Variants in GPD1 observed in about 807,000 individuals in gnomAD.
The protein encoded by GPD1 is glycerol-3-phosphate dehydrogenase 1, also known as glycerol-3-phosphate dehydrogenase [NAD(+)], cytoplasmic.
A neutral mutation model predicts 34.4 loss-of-function variants in GPD1; 19 were observed. That is an observed-to-expected ratio of 0.55 (90% confidence interval 0.39 to 0.81). The LOEUF (loss-of-function observed/expected upper bound fraction) is 0.81. Ranked by LOEUF, GPD1 falls within the 30% of genes least tolerant of loss-of-function variation. The probability of loss-of-function intolerance (pLI) is 0.00; values close to 1 mark genes in which losing one functional copy is unlikely to be tolerated. For missense variants in GPD1, 429 were observed against 447.0 expected, an observed-to-expected ratio of 0.96 and a Z score of 0.36; for synonymous variants, 172 against 174.1, an observed-to-expected ratio of 0.99 and a Z score of 0.09.
chr12:50,104,213 TCA>T, intron 1 of GPD1, 122 bp downstream of exon 1: 1 of 949,710 alleles, frequency 1.1e-6, no homozygotes. Flanking sequence ...CTATCTTCTA[TCA>T]TAGCAGCACA....
chr12:50,108,745 T>C (rs910670671), intron 7 of GPD1, among the ~76,000 whole-genome samples: 4 of 152,196 alleles, frequency 2.6e-5, no homozygotes, highest in African/African-American at 9.7e-5. Flanking sequence ...TTAAGCACTT[T>C]CACATCATAC....
At chr12:50,105,279 G>C in intron 2 of GPD1, 1 of 501,080 alleles carries the variant, frequency 2.0e-6, no homozygotes, top group Non-Finnish European at 3.6e-6. Flanking sequence ...CTCCCGCACT[G>C]TCCCACAGCC....
chr12:50,104,309 T>G, intron 1 of GPD1: 2 of 702,054 alleles, frequency 2.8e-6, no homozygotes, highest in South Asian at 3.0e-5. Context: ...TCTCCAGAGC[T>G]CTCTATGTGA....
In GPD1 at chr12:50,109,653, G is replaced by A; in HGVS notation, c.*134G>A. ...CTCATCTTTTCACTGGAGGACAGGA[G>A]GCTATGGGGCCCAGCTACGCACCTG... On this transcript the variant is annotated 3_prime_UTR_variant, in exon 8 of 8. Coordinates refer to ENST00000301149, the MANE Select transcript of GPD1 (RefSeq NM_005276.4). 1 of 614,374 alleles carries A rather than the reference G, an allele frequency of 1.6e-6. No individual in the cohort carries two copies. The allele number at this position is 614,374 out of a possible 1,614,324, so 38.1% of individuals were successfully genotyped here.
Position 50,104,702 on chromosome 12 carries a change from A to T in GPD1, c.170A>T (p.Gln57Leu). ...AAGCTGACTGAGATCATCAACACGC[A>T]GCATGAGAATGTCAAATACCTGCCA... The part of the protein sequence containing the change: ...GKKLTEIINT[Q>L]HENVKYLPGH... Residue 57 changes from glutamine (Q) to leucine (L), a missense_variant, in exon 2 of 8, where the codon CAG (glutamine) becomes CTG (leucine). By Grantham distance (113) the Gln-to-Leu change is moderately radical (BLOSUM62 -2). Transcript: ENST00000301149. 6.2e-7 allele frequency: 1 copy of T among 1,614,218 alleles called. No homozygotes were observed. Among genetic ancestry groups the T allele is most frequent in the Non-Finnish European group, 8.5e-7 (1 of 1,180,008 alleles).
In GPD1 at chr12:50,107,689, C is replaced by A. The variant is rs747129301; in HGVS notation, c.735C>A (p.Gly245=). 6.2e-6 allele frequency: 10 copies of A among 1,613,498 alleles called. No homozygotes were observed. The highest frequency in any genetic ancestry group is 7.6e-6 in the Non-Finnish European group (9 of 1,179,438). ...MIAFAKLFCS[G]PVSSATFLES... is the part of the protein sequence containing the mutation. ...CCTTCGCCAAGCTCTTCTGCAGTGG[C>A]CCTGTGTCCTCTGCCACCTTCTTGG... The change falls in exon 6 of 8, where the codon GGC becomes GGA. Residue 245 remains glycine, a synonymous_variant. Coordinates refer to ENST00000301149, the MANE Select transcript of GPD1 (RefSeq NM_005276.4).
In GPD1 at chr12:50,109,553, AC is replaced by A; in HGVS notation, c.*38del. On this transcript the variant is annotated 3_prime_UTR_variant, in exon 8 of 8. Coordinates refer to ENST00000301149, the MANE Select transcript of GPD1 (RefSeq NM_005276.4). ...AGGGCCCAGGCCAGGCCGCTTTTTT[AC>A]CCCAGTGGAGACCAGCAGAAGCCTG... 1 of 1,045,168 alleles carries A rather than the reference AC, an allele frequency of 9.6e-7. No individual in the cohort carries two copies. The highest frequency in any genetic ancestry group is 1.5e-6 in the Non-Finnish European group (1 of 660,158). 64.7% of individuals were successfully genotyped at this position (1,045,168 alleles called of 1,614,324 possible).
chr12:50,105,437 C>A (rs1950970914), intron 2 of GPD1, 111 bp from the exon 3 acceptor site: 2 of 1,099,154 alleles, frequency 1.8e-6, no homozygotes, highest in Admixed American at 2.3e-5. Context: ...CCAAACAAGC[C>A]TTCCTGCTCC....
chr12:50,105,229 T>C lies in GPD1; in HGVS notation c.220-319T>C, dbSNP rs1251242488. ...TGAGGAGCTGGGTGATGAAATCTTATTTGAGCTCTTTCTTTTGCCAAGCCC... is the reference window on the plus strand; with the variant it reads ...TGAGGAGCTGGGTGATGAAATCTTACTTGAGCTCTTTCTTTTGCCAAGCCC... On this transcript the variant is annotated intron_variant, in intron 2 of 7. Transcript: ENST00000301149. 3 of 356,638 alleles carry C rather than the reference T, an allele frequency of 8.4e-6. No individual in the cohort carries two copies. The South Asian group carries it at 1.6e-4, about 18-fold the overall frequency. 22.1% of individuals were successfully genotyped at this position (356,638 alleles called of 1,614,324 possible). A position where few individuals can be genotyped will look rare whatever the true frequency, so the allele number is the denominator to read the frequency against.
rs754343588 is a variant in GPD1, at chr12:50,108,094, T to C, written c.917T>C (p.Leu306Pro). ...KLQGPETARE[L>P]YSILQHKGLV... ...CAGGGGCCCGAGACAGCCCGGGAGC[T>C]ATACAGCATCCTCCAGCACAAGGGC... Residue 306 changes from leucine (L) to proline (P), a missense_variant, in exon 7 of 8, where the codon CTA (leucine) becomes CCA (proline). Coordinates refer to ENST00000301149, the MANE Select transcript of GPD1 (RefSeq NM_005276.4). 6.2e-7 allele frequency: 1 copy of C among 1,612,012 alleles called. No individual in the cohort carries two copies. Among genetic ancestry groups the C allele is most frequent in the South Asian group, 1.1e-5 (1 of 90,834 alleles).
intron 7 of GPD1, among the ~76,000 whole-genome samples, chr12:50,109,134 C>CA (rs34926030): frequency 0.42 from 26,655 of 63,060 alleles, 5,405 homozygotes; most frequent in Non-Finnish European, 0.52. Context: ...GAGTCTGTCT[C>CA]AAAAAAAAAA....
rs1002151706 is a variant in GPD1, at chr12:50,107,316, A to T, written c.613-251A>T. On this transcript the variant is annotated intron_variant, in intron 5 of 7. Coordinates refer to ENST00000301149, the MANE Select transcript of GPD1 (RefSeq NM_005276.4). Reference sequence around the variant, plus strand: ...GAGGGCTGTACAATGGAATGGTCATAGATGGGAAGATCAACTAGAGAGAAG... The same window carrying T: ...GAGGGCTGTACAATGGAATGGTCATTGATGGGAAGATCAACTAGAGAGAAG... 4.5e-6 allele frequency: 3 copies of T among 673,560 alleles called. No homozygotes were observed. In the African/African-American group the frequency reaches 5.3e-5, roughly 12 times the overall value. The allele number at this position is 673,560 out of a possible 1,614,324, so 41.7% of individuals were successfully genotyped here.
In GPD1 at chr12:50,110,907, G is replaced by GGAGGGCCCGA. The variant is rs1951017916; in HGVS notation, c.*1393_*1402dup. ...CTAGGCCTCCAGCTATAAATAGTCC[G>GGAGGGCCCGA]GAGGGCCCGAGAGGCTCCCGCCCGT... On this transcript the variant is annotated 3_prime_UTR_variant, in exon 8 of 8. Transcript: ENST00000301149. The GGAGGGCCCGA allele has an allele frequency of 6.5e-6, 1 of 152,760 alleles. No individual in the cohort carries two copies. 9.5% of individuals were successfully genotyped at this position (152,760 alleles called of 1,614,324 possible).
intron 2 of GPD1, 22 bp from the exon 3 acceptor site, chr12:50,105,526 G>A (rs995015035): frequency 8.7e-6 from 14 of 1,604,844 alleles, no homozygotes; most frequent in African/African-American, 1.3e-5. Context: ...CCAGGCCCGC[G>A]AGCACTTGGT....
rs752111492 is a variant in GPD1 at position 50,107,513 on chromosome 12, C to A, written c.613-54C>A. The A allele has an allele frequency of 9.9e-6, 13 of 1,309,686 alleles. No homozygotes were observed. The South Asian group carries it at 1.1e-4, about 11-fold the overall frequency. The allele number at this position is 1,309,686 out of a possible 1,614,324, so 81.1% of individuals were successfully genotyped here. Reference sequence around the variant, plus strand: ...ATGAAATGAGTATGAGGGGGCTCCACATGGGGCCTATAGGAGGGGGTCTTT... The same window carrying A: ...ATGAAATGAGTATGAGGGGGCTCCAAATGGGGCCTATAGGAGGGGGTCTTT... On this transcript the variant is annotated intron_variant, in intron 5 of 7. Transcript: ENST00000301149.
chr12:50,105,360 G>A, intron 2 of GPD1, 188 bp from the exon 3 acceptor site: 1 of 613,356 alleles, frequency 1.6e-6, no homozygotes, highest in Non-Finnish European at 2.9e-6. Context: ...GAGGGAGACA[G>A]AGTGGTAGCT....
chr12:50,104,985 C>T (rs1255476933), intron 2 of GPD1, among the ~76,000 whole-genome samples: 1 of 152,250 alleles, frequency 6.6e-6, no homozygotes, highest in East Asian at 1.9e-4. Context: ...ACAAGTTGGT[C>T]TCCATGGCAG....
chr12:50,105,373 G>C (rs1236157235), intron 2 of GPD1, 175 bp from the exon 3 acceptor site: 8 of 630,270 alleles, frequency 1.3e-5, no homozygotes, highest in Non-Finnish European at 2.2e-5. Flanking sequence ...TGGTAGCTGG[G>C]GGGAGGGAGT....
chr12:50,104,312 C>G, intron 1 of GPD1: 1 of 703,146 alleles, frequency 1.4e-6, no homozygotes, highest in South Asian at 1.5e-5. Flanking sequence ...CCAGAGCTCT[C>G]TATGTGAAGA....
Sources: gnomAD v4.1 joint callset for allele counts (sites outside exome capture counted in the v4.1 genomes callset) on GRCh38, gnomAD v4.1.1 for gene constraint, MANE v1.5 for transcripts, NCBI Gene and HGNC (gene_info 2026-07-23, HGNC 2026-07-21) for gene names.